SLIT3: variants seen among roughly 807,000 people sequenced by gnomAD.
SLIT3 encodes slit guidance ligand 3.
SLIT3 carries 68 observed loss-of-function variants against 184.0 expected under a neutral mutation model. The observed-to-expected ratio is 0.37, with a 90% CI of 0.30 to 0.45. The LOEUF (loss-of-function observed/expected upper bound fraction) is 0.45, where lower values mean the gene tolerates loss of function less well. Ranked by LOEUF, SLIT3 falls within the 20% of genes least tolerant of loss-of-function variation. The pLI, the probability that SLIT3 is intolerant of heterozygous loss-of-function variation, is 1.00. For synonymous variants in SLIT3, 831 were observed against 828.6 expected (o/e 1.00, Z -0.05); for missense variants, 1,707 against 2,026.0 (o/e 0.84, Z 3.02).
At chr5:169,137,390 G>A (rs1401080017) in intron 4 of SLIT3, among the ~76,000 whole-genome samples, 2 of 148,944 alleles carry the variant, frequency 1.3e-5, no homozygotes, top group Non-Finnish European at 3.0e-5. Context: ...GCAGGGGAAG[G>A]GTATCTATTT....
chr5:169,090,128 G>A (rs1372386103), intron 4 of SLIT3, among the ~76,000 whole-genome samples: 1 of 152,130 alleles, frequency 6.6e-6, no homozygotes, highest in African/African-American at 2.4e-5. Context: ...AGGGATAAAG[G>A]GAACGGGTGA....
At chr5:168,746,195 C>T (rs1763793982) in intron 20 of SLIT3, among the ~76,000 whole-genome samples, 1 of 152,190 alleles carries the variant, frequency 6.6e-6, no homozygotes, top group South Asian at 2.1e-4. Flanking sequence ...ACGTGCTAAC[C>T]TGGCCCAGAA....
intron 3 of SLIT3, among the ~76,000 whole-genome samples, chr5:169,202,314 C>T (rs1358217492): frequency 6.6e-6 from 1 of 152,166 alleles, no homozygotes; most frequent in Non-Finnish European, 1.5e-5. Context: ...TTTATGTTCA[C>T]ATAGGGCACT....
chr5:169,089,079 G>A (rs1016038620), intron 4 of SLIT3, among the ~76,000 whole-genome samples: 2 of 139,580 alleles, frequency 1.4e-5, no homozygotes, highest in Non-Finnish European at 3.0e-5. Flanking sequence ...TGATTCTCCA[G>A]TGGTAGGGCC....
intron 4 of SLIT3, among the ~76,000 whole-genome samples, chr5:168,939,286 A>G (rs1762259873): frequency 6.6e-6 from 1 of 152,222 alleles, no homozygotes; most frequent in Non-Finnish European, 1.5e-5. Flanking sequence ...CAGCGTCATC[A>G]GGCCTCTGAA....
At chr5:168,687,598 T>G (rs994343395) in intron 29 of SLIT3, among the ~76,000 whole-genome samples, 2 of 152,210 alleles carry the variant, frequency 1.3e-5, no homozygotes, top group Non-Finnish European at 2.9e-5. Context: ...AGTTTACACT[T>G]GCGTGTCATA....
At chr5:169,215,349 G>A (rs1764400834) in intron 3 of SLIT3, among the ~76,000 whole-genome samples, 1 of 152,110 alleles carries the variant, frequency 6.6e-6, no homozygotes, top group Non-Finnish European at 1.5e-5. Context: ...TCCATTCTAG[G>A]AAGTCTGTCT....
intron 4 of SLIT3, among the ~76,000 whole-genome samples, chr5:169,152,278 TCAA>T (rs1762140205): frequency 6.6e-6 from 1 of 152,082 alleles, no homozygotes. Context: ...AAAGAGAAAG[TCAA>T]CAACTGAAAT....
intron 4 of SLIT3, chr5:169,119,883 C>T (rs1760818491): frequency 6.6e-6 from 1 of 152,196 alleles, no homozygotes; most frequent in African/African-American, 2.4e-5. Context: ...CATGAAACCA[C>T]ACCAAAGACA....
chr5:168,698,726 C>T (rs999075064), intron 27 of SLIT3, among the ~76,000 whole-genome samples: 5 of 152,120 alleles, frequency 3.3e-5, no homozygotes, highest in Non-Finnish European at 7.4e-5. Context: ...GGTGCTGGCC[C>T]GATGCAGAAG....
chr5:169,251,487 A>AT, intron 1 of SLIT3, 28 bp from the exon 2 acceptor site: 1 of 1,507,546 alleles, frequency 6.6e-7, no homozygotes, highest in Non-Finnish European at 9.2e-7. Flanking sequence ...TTCAGGTCAG[A>AT]TTTTTGTGGG....
rs114111212 is a variant in SLIT3, at chr5:168,697,337, C to T, written c.2943-906G>A. On this transcript the variant is annotated intron_variant, in intron 27 of 35. Coordinates refer to ENST00000519560, the MANE Select transcript of SLIT3 (RefSeq NM_003062.4). ...TAAATCTCTTGGATAAAAACCTCAA[C>T]TGCCTGCATCTCTGCCTGATCTTGG... 4.5e-3 allele frequency among the ~76,000 whole-genome samples: 682 copies of T among 152,312 alleles called. 4 individuals carry two copies. The highest frequency in any genetic ancestry group is 0.015 in the African/African-American group (643 of 41,568).
intron 1 of SLIT3, among the ~76,000 whole-genome samples, chr5:169,297,543 C>T (rs745434440): frequency 1.1e-4 from 17 of 152,224 alleles, no homozygotes; most frequent in South Asian, 2.1e-4. Context: ...GAATGGAGAA[C>T]GGAGAAAATG....
At chr5:168,838,652 C>G (rs113172452) in intron 6 of SLIT3, among the ~76,000 whole-genome samples, 1 of 152,136 alleles carries the variant, frequency 6.6e-6, no homozygotes, top group Non-Finnish European at 1.5e-5. Context: ...CACCCTGTAC[C>G]AGGACACCAA....
intron 4 of SLIT3, among the ~76,000 whole-genome samples, chr5:169,128,685 C>T (rs897122047): frequency 2.0e-5 from 3 of 152,192 alleles, no homozygotes; most frequent in Non-Finnish European, 4.4e-5. Context: ...CTGTCTCGGC[C>T]TCCCAAAGTG....
intron 4 of SLIT3, among the ~76,000 whole-genome samples, chr5:168,934,585 C>T (rs1463443576): frequency 6.6e-6 from 1 of 152,086 alleles, no homozygotes; most frequent in Admixed American, 6.5e-5. Flanking sequence ...TGGGAGCACA[C>T]AGGATCACAG....
intron 4 of SLIT3, among the ~76,000 whole-genome samples, chr5:169,046,484 T>A (rs190077855): frequency 1.6e-3 from 237 of 152,268 alleles, no homozygotes; most frequent in African/African-American, 5.4e-3. Flanking sequence ...AACATTCTCT[T>A]TGGATATTTA....
chr5:169,007,076 T>G (rs1471825263), intron 4 of SLIT3, among the ~76,000 whole-genome samples: 1 of 152,130 alleles, frequency 6.6e-6, no homozygotes, highest in Non-Finnish European at 1.5e-5. Context: ...CCCCATGCTG[T>G]TCTCGTGATA....
At chr5:168,706,210 A>G (rs1249902881) in intron 26 of SLIT3, among the ~76,000 whole-genome samples, 2 of 152,226 alleles carry the variant, frequency 1.3e-5, no homozygotes, top group Non-Finnish European at 2.9e-5. Context: ...CAGCTTATTG[A>G]GTGCTCACTG....
Sources: allele counts gnomAD v4.1 joint callset (sites outside exome capture counted in the v4.1 genomes callset), GRCh38; gene constraint gnomAD v4.1.1; transcripts MANE v1.5; gene names NCBI Gene and HGNC (gene_info 2026-07-23, HGNC 2026-07-21).